Variants in MYO9A observed in about 807,000 individuals in gnomAD.
The protein encoded by MYO9A is myosin IXA, also known as unconventional myosin-IXa.
Under a neutral mutation model 293.3 loss-of-function variants are expected in MYO9A, and 103 were observed. The observed-to-expected ratio is 0.35, with a 90% confidence interval of 0.30 to 0.41. The LOEUF (loss-of-function observed/expected upper bound fraction) is 0.41, where lower values mean the gene tolerates loss of function less well. MYO9A is among the 10% of genes least tolerant of loss of function. The pLI, the probability that MYO9A is intolerant of heterozygous loss-of-function variation, is 1.00. For missense variants in MYO9A, 2,685 were observed against 3,033.0 expected (o/e 0.89, Z 2.69); for synonymous variants, 1,001 against 1,035.7 (o/e 0.97, Z 0.64).
At chr15:71,927,864 T>C (rs908954381) in intron 18 of MYO9A, among the ~76,000 whole-genome samples, 22 of 150,554 alleles carry the variant, frequency 1.5e-4, no homozygotes, top group Non-Finnish European at 1.5e-5. Flanking sequence ...ACATCATTTA[T>C]TGAAGAGACT....
chr15:71,916,342 A>G (rs2058011626), intron 19 of MYO9A, 28 bp downstream of exon 19: 1 of 1,599,956 alleles, frequency 6.3e-7, no homozygotes, highest in Non-Finnish European at 8.5e-7. Context: ...ACAGATTCTT[A>G]TTTGTTTTAA....
intron 15 of MYO9A, among the ~76,000 whole-genome samples, chr15:71,943,082 G>A (rs1188719447): frequency 6.6e-6 from 1 of 151,926 alleles, no homozygotes; most frequent in African/African-American, 2.4e-5. Context: ...TTCATTGAGA[G>A]TTTAACTGGT....
intron 1 of MYO9A, among the ~76,000 whole-genome samples, chr15:72,100,920 G>A (rs1438109622): frequency 1.5e-5 from 2 of 137,610 alleles, no homozygotes; most frequent in African/African-American, 5.4e-5. Context: ...GAGGGAGGTG[G>A]GGGGGGTCAG....
At chr15:71,996,605 T>C (rs1156380404) in intron 9 of MYO9A, among the ~76,000 whole-genome samples, 1 of 151,954 alleles carries the variant, frequency 6.6e-6, no homozygotes, top group Non-Finnish European at 1.5e-5. Context: ...AAACCAGAAA[T>C]GCAGGACTCA....
intron 11 of MYO9A, among the ~76,000 whole-genome samples, chr15:71,987,309 CCTT>C (rs1238053591): frequency 1.3e-5 from 2 of 152,190 alleles, no homozygotes; most frequent in Admixed American, 6.5e-5. Flanking sequence ...AGATTTTTCT[CCTT>C]CTTTCCAGTT....
At chr15:71,879,257 G>C (rs2056798304) in intron 30 of MYO9A, among the ~76,000 whole-genome samples, 1 of 152,146 alleles carries the variant, frequency 6.6e-6, no homozygotes, top group Non-Finnish European at 1.5e-5. Context: ...TCATGTGAAA[G>C]TATAAGGTAA....
intron 1 of MYO9A, chr15:72,117,226 G>C (rs1307128829): frequency 6.6e-6 from 1 of 152,222 alleles, no homozygotes; most frequent in African/African-American, 2.4e-5. Flanking sequence ...AGTGCTAGTC[G>C]GCTTGGTGAT....
At chr15:71,839,150 AC>A (rs2055051266) in intron 39 of MYO9A, among the ~76,000 whole-genome samples, 1 of 152,110 alleles carries the variant, frequency 6.6e-6, no homozygotes, top group African/African-American at 2.4e-5. Flanking sequence ...CTCTTCAGCC[AC>A]CTTTTATGGC....
At chr15:72,010,520 G>A (rs932926847) in intron 6 of MYO9A, 73 bp from the exon 7 acceptor site, 1 of 1,316,346 alleles carries the variant, frequency 7.6e-7, no homozygotes, top group Non-Finnish European at 1.1e-6. Flanking sequence ...TCAGAAATAT[G>A]GTAATTTAGG....
chr15:71,894,064 A>G (rs1248813938), intron 25 of MYO9A, among the ~76,000 whole-genome samples: 1 of 152,212 alleles, frequency 6.6e-6, no homozygotes, highest in Admixed American at 6.5e-5. Flanking sequence ...GAAATAAAAT[A>G]GATCTGATGA....
chr15:72,090,628 T>A (rs752063808), intron 1 of MYO9A, among the ~76,000 whole-genome samples: 3 of 152,212 alleles, frequency 2.0e-5, no homozygotes, highest in African/African-American at 2.4e-5. Context: ...CATATTTTCA[T>A]AATCTCCATT....
intron 11 of MYO9A, among the ~76,000 whole-genome samples, chr15:71,980,359 T>C (rs1258456484): frequency 2.0e-5 from 3 of 152,208 alleles, no homozygotes; most frequent in Non-Finnish European, 4.4e-5. Context: ...TATGTCCCTA[T>C]AGACATATCT....
chr15:71,953,170 AAC>A (rs2059093482), intron 14 of MYO9A, among the ~76,000 whole-genome samples: 1 of 152,238 alleles, frequency 6.6e-6, no homozygotes, highest in South Asian at 2.1e-4. Flanking sequence ...AGAGAAGTAT[AAC>A]CAAGCTTAAC....
intron 1 of MYO9A, among the ~76,000 whole-genome samples, chr15:72,065,375 A>G (rs988418505): frequency 6.6e-6 from 1 of 151,756 alleles, no homozygotes; most frequent in Admixed American, 6.6e-5. Context: ...ATAAGCCAGG[A>G]GTGGTGGCGC....
At chr15:71,969,672 T>C (rs990612690) in intron 12 of MYO9A, among the ~76,000 whole-genome samples, 2 of 152,202 alleles carry the variant, frequency 1.3e-5, no homozygotes, top group Non-Finnish European at 2.9e-5. Context: ...TATGATATAC[T>C]TTCTCTTACT....
chr15:71,869,222 T>C (rs1423450164), intron 32 of MYO9A, among the ~76,000 whole-genome samples: 1 of 152,114 alleles, frequency 6.6e-6, no homozygotes, highest in Non-Finnish European at 1.5e-5. Context: ...CAAGGGAAAA[T>C]AGTATCTTTG....
intron 1 of MYO9A, among the ~76,000 whole-genome samples, chr15:72,077,967 T>C (rs2079423052): frequency 6.6e-6 from 1 of 151,866 alleles, no homozygotes; most frequent in Non-Finnish European, 1.5e-5. Context: ...ATCAAAACCA[T>C]GGTGAGATAG....
At chr15:72,017,098 G>T (rs1011476236) in intron 6 of MYO9A, among the ~76,000 whole-genome samples, 3 of 125,730 alleles carry the variant, frequency 2.4e-5, no homozygotes, top group African/African-American at 9.0e-5. Context: ...TTGTCTCGCT[G>T]TAGCCTCAAC....
chr15:71,859,262 C>T (rs926302841), intron 34 of MYO9A, among the ~76,000 whole-genome samples: 2 of 152,184 alleles, frequency 1.3e-5, no homozygotes, highest in Admixed American at 6.5e-5. Flanking sequence ...CTCCTTGAAA[C>T]ATAAGGTATC....
Sources: allele counts gnomAD v4.1 joint callset (sites outside exome capture counted in the v4.1 genomes callset), GRCh38; gene constraint gnomAD v4.1.1; transcripts MANE v1.5; gene names NCBI Gene and HGNC (gene_info 2026-07-23, HGNC 2026-07-21).